ABI3BP: variants seen among roughly 807,000 people sequenced by gnomAD.
ABI3BP encodes ABI family member 3 binding protein, also known as target of Nesh-SH3.
In ABI3BP, 216 loss-of-function variants were observed where a neutral mutation model predicts 268.6. The observed-to-expected ratio is 0.80, with a 90% CI of 0.72 to 0.90. The LOEUF is 0.90. Among genes scored for constraint, ABI3BP ranks in the 40% least tolerant of loss-of-function variants. The pLI, the probability that ABI3BP is intolerant of heterozygous loss-of-function variation, is 0.00. For missense variants in ABI3BP, 2,090 were observed against 2,182.4 expected, an observed-to-expected ratio of 0.96 and a Z score of 0.84; for synonymous variants, 730 against 730.0, an observed-to-expected ratio of 1.00 and a Z score of 0.00.
At chr3:100,857,577 A>G (rs927195748) in intron 14 of ABI3BP, among the ~76,000 whole-genome samples, 3 of 152,166 alleles carry the variant, frequency 2.0e-5, no homozygotes, top group Non-Finnish European at 4.4e-5. Context: ...CTTATACACC[A>G]TATCTGGAAG....
Position 100,909,661 on chromosome 3 carries a change from T to A in ABI3BP, c.260-6975A>T, listed in dbSNP as rs542334429. Among the ~76,000 whole-genome samples the A allele has an allele frequency of 2.6e-5, 4 of 152,196 alleles. No individual in the cohort carries two copies. In the East Asian group the frequency reaches 7.7e-4, roughly 29 times the overall value. Reference sequence around the variant, plus strand: ...GACATTTATGCAGCCAACAAACATATGAAAAAATGCTTATCATCACTGGTC... The same window carrying A: ...GACATTTATGCAGCCAACAAACATAAGAAAAAATGCTTATCATCACTGGTC... On this transcript the variant is annotated intron_variant, in intron 2 of 67. Coordinates refer to ENST00000471714, the MANE Select transcript of ABI3BP (RefSeq NM_001375547.2).
intron 2 of ABI3BP, 117 bp downstream of exon 2, chr3:100,926,185 T>C (rs1259802795): frequency 5.8e-6 from 6 of 1,037,582 alleles, no homozygotes; most frequent in Non-Finnish European, 1.4e-6. Context: ...AATTCTACCA[T>C]TTGATTAAGC....
At chr3:100,852,716 A>C (rs1342790709) in intron 14 of ABI3BP, among the ~76,000 whole-genome samples, 1 of 152,208 alleles carries the variant, frequency 6.6e-6, no homozygotes, top group Non-Finnish European at 1.5e-5. Flanking sequence ...TTCTCCATAC[A>C]GCCATGAGCC....
intron 49 of ABI3BP, among the ~76,000 whole-genome samples, chr3:100,809,200 G>C (rs1299483012): frequency 6.6e-6 from 1 of 152,002 alleles, no homozygotes; most frequent in African/African-American, 2.4e-5. Context: ...TGGGGATTTA[G>C]AGCTCCCTTT....
intron 1 of ABI3BP, among the ~76,000 whole-genome samples, chr3:100,958,170 G>GT (rs1237540600): frequency 1.3e-5 from 2 of 152,176 alleles, no homozygotes; most frequent in Admixed American, 6.5e-5. Flanking sequence ...GAGTTTCATT[G>GT]TAAGTCTCAC....
At chr3:100,913,769 G>A (rs984081238) in intron 2 of ABI3BP, among the ~76,000 whole-genome samples, 1 of 152,250 alleles carries the variant, frequency 6.6e-6, no homozygotes, top group East Asian at 1.9e-4. Context: ...ATAGAATTAT[G>A]GAGCATCACA....
At chr3:100,819,433 C>T (rs777941912) in intron 40 of ABI3BP, among the ~76,000 whole-genome samples, 1 of 152,088 alleles carries the variant, frequency 6.6e-6, no homozygotes, top group African/African-American at 2.4e-5. Flanking sequence ...AGATACACTC[C>T]CTTGCTTCAA....
chr3:100,764,334 G>T (rs2096151038), intron 63 of ABI3BP, among the ~76,000 whole-genome samples: 1 of 152,218 alleles, frequency 6.6e-6, no homozygotes, highest in African/African-American at 2.4e-5. Flanking sequence ...TAGAATCCTT[G>T]GTCATTAACT....
chr3:100,853,353 T>A (rs2098888131), intron 14 of ABI3BP, among the ~76,000 whole-genome samples: 1 of 152,230 alleles, frequency 6.6e-6, no homozygotes, highest in Non-Finnish European at 1.5e-5. Flanking sequence ...ACTAATTTTT[T>A]AAAAGATTAA....
chr3:100,791,647 G>A (rs1397550498), intron 55 of ABI3BP, among the ~76,000 whole-genome samples: 1 of 151,912 alleles, frequency 6.6e-6, no homozygotes, highest in South Asian at 2.1e-4. Flanking sequence ...AGACTTCTGT[G>A]TGTAATTATA....
chr3:100,849,224 C>CTTTTT lies in ABI3BP; in HGVS notation c.1502-354_1502-350dup, dbSNP rs547312079. Among the ~76,000 whole-genome samples the CTTTTT allele has an allele frequency of 1.1e-4, 14 of 125,528 alleles. 1 individual carries two copies. Among genetic ancestry groups the CTTTTT allele is most frequent in the African/African-American group, 1.8e-4 (6 of 32,554 alleles). The allele number at this position is 125,528 out of a possible 152,430, so 82.4% of individuals were successfully genotyped here. ...CACAAATAATGGAAATTTGGAACTA[C>CTTTTT]TTTTTTTTTTTTTTTTTTTGGAGAC... On this transcript the variant is annotated intron_variant, in intron 17 of 67. Coordinates refer to ENST00000471714, the MANE Select transcript of ABI3BP (RefSeq NM_001375547.2).
intron 51 of ABI3BP, among the ~76,000 whole-genome samples, chr3:100,798,864 C>A (rs569895479): frequency 1.3e-5 from 2 of 152,250 alleles, no homozygotes; most frequent in South Asian, 4.1e-4. Context: ...ATACCATATT[C>A]TATTCCTTTA....
chr3:100,816,770 TGAAG>T lies in ABI3BP; in HGVS notation c.3149-6_3149-3del, dbSNP rs1350188407. ...GACGTGTCCGTTGTGTTTTAGGAGC[TGAAG>T]GAAGAAACTTTGGATTACTCTAGTG... On this transcript the variant is annotated splice_region_variant and splice_polypyrimidine_tract_variant and intron_variant, in intron 42 of 67. Transcript: ENST00000471714. 6.5e-7 allele frequency: 1 copy of T among 1,535,572 alleles called. No homozygotes were observed. The highest frequency in any genetic ancestry group is 1.4e-5 in the African/African-American group (1 of 73,028).
chr3:100,978,020 A>G (rs2087163112), intron 1 of ABI3BP, among the ~76,000 whole-genome samples: 1 of 152,156 alleles, frequency 6.6e-6, no homozygotes, highest in African/African-American at 2.4e-5. Context: ...AAGTTTTATC[A>G]GCTCTTAGAC....
chr3:100,751,752 T>G (rs13097516), intron 66 of ABI3BP, 78 bp from the exon 67 acceptor site: 1 of 1,378,828 alleles, frequency 7.3e-7, no homozygotes, highest in African/African-American at 1.5e-5. Context: ...ATCATTACTG[T>G]TTTTGTACTT....
chr3:100,763,465 A>C (rs920907004), intron 63 of ABI3BP, among the ~76,000 whole-genome samples: 1 of 146,006 alleles, frequency 6.8e-6, no homozygotes, highest in Non-Finnish European at 1.5e-5. Context: ...CTCTGTCTCA[A>C]AAAAAAAAAA....
At chr3:100,898,540 A>G (rs1302800153) in intron 4 of ABI3BP, among the ~76,000 whole-genome samples, 2 of 152,162 alleles carry the variant, frequency 1.3e-5, no homozygotes, top group Non-Finnish European at 2.9e-5. Context: ...TTTGACTCAT[A>G]CTTCCTTGTA....
At chr3:100,823,093 T>C (rs1415865448) in intron 37 of ABI3BP, among the ~76,000 whole-genome samples, 6 of 151,848 alleles carry the variant, frequency 4.0e-5, no homozygotes, top group Non-Finnish European at 8.8e-5. Flanking sequence ...TCTATGCAAA[T>C]AGAAAAAAGG....
intron 55 of ABI3BP, 103 bp from the exon 56 acceptor site, chr3:100,789,619 C>T (rs1340341082): frequency 3.7e-6 from 4 of 1,094,886 alleles, no homozygotes; most frequent in South Asian, 1.6e-5. Flanking sequence ...TTTGCATGGA[C>T]GTATAAAGAA....
Sources: gnomAD v4.1 joint callset for allele counts (sites outside exome capture counted in the v4.1 genomes callset) on GRCh38, gnomAD v4.1.1 for gene constraint, MANE v1.5 for transcripts, NCBI Gene and HGNC (gene_info 2026-07-23, HGNC 2026-07-21) for gene names.